The following NRXN1 variants were observed in gnomAD, a reference collection of about 807,000 sequenced individuals.
The protein encoded by NRXN1 is neurexin-1.
In NRXN1, 39 loss-of-function variants were observed where a neutral mutation model predicts 150.9. The ratio of observed to expected loss-of-function variants is 0.26; its 90% confidence interval spans 0.20 to 0.34. NRXN1 has a LOEUF of 0.34. Ranked by LOEUF, NRXN1 falls within the 10% of genes least tolerant of loss-of-function variation. The pLI, the probability that NRXN1 is intolerant of heterozygous loss-of-function variation, is 1.00. For missense variants in NRXN1, 1,815 were observed against 1,949.9 expected (o/e 0.93, Z 1.30); for synonymous variants, 924 against 757.0 (o/e 1.22, Z -3.62).
intron 21 of NRXN1, among the ~76,000 whole-genome samples, chr2:49,966,180 C>A (rs921044954): frequency 4.6e-5 from 7 of 152,156 alleles, no homozygotes; most frequent in African/African-American, 2.4e-5. Context: ...GTATAGGCCC[C>A]CATACCTTCG....
chr2:50,582,790 C>T (rs1558970757), intron 8 of NRXN1, among the ~76,000 whole-genome samples: 1 of 152,124 alleles, frequency 6.6e-6, no homozygotes, highest in South Asian at 2.1e-4. Flanking sequence ...CTTCCAGTTC[C>T]CCCGCTGAAC....
intron 5 of NRXN1, chr2:50,917,275 C>T (rs573259938): frequency 8.6e-5 from 13 of 151,706 alleles, no homozygotes; most frequent in Admixed American, 7.2e-4. Flanking sequence ...TGAGGAAATA[C>T]AATTTAAGAA....
At chr2:50,672,840 T>C (rs1689053782) in intron 5 of NRXN1, among the ~76,000 whole-genome samples, 1 of 152,078 alleles carries the variant, frequency 6.6e-6, no homozygotes, top group Non-Finnish European at 1.5e-5. Context: ...AGATCTCTTA[T>C]GAAACATTAG....
At chr2:50,030,318 G>A (rs1689008214) in intron 21 of NRXN1, among the ~76,000 whole-genome samples, 1 of 151,962 alleles carries the variant, frequency 6.6e-6, no homozygotes, top group African/African-American at 2.4e-5. Flanking sequence ...ATGATCTAGG[G>A]AGTATCTCTC....
rs2105260301 is a variant in NRXN1, at chr2:50,538,521, A to T, written c.1875T>A (p.Leu625=). 2 of 1,602,706 alleles carry T rather than the reference A, an allele frequency of 1.2e-6. No individual in the cohort carries two copies. ...CAGTCCACACCTCGGTGGGGAAGAC[A>T]AGGCCAGCTTTATTTTCTGGCAGCC... The part of the protein sequence containing the change: ...LGGLPENKAG[L]VFPTEVWTAL... The change falls in exon 10 of 23, where the codon CTT becomes CTA. Residue 625 remains leucine, a synonymous_variant. Coordinates refer to ENST00000401669, the MANE Select transcript of NRXN1 (RefSeq NM_001330078.2).
chr2:50,579,069 A>G (rs1312433682), intron 8 of NRXN1, among the ~76,000 whole-genome samples: 1 of 152,136 alleles, frequency 6.6e-6, no homozygotes, highest in African/African-American at 2.4e-5. Context: ...ATCATCCAAG[A>G]TATTAATATT....
chr2:50,657,075 G>A (rs149312025), intron 5 of NRXN1, among the ~76,000 whole-genome samples: 7 of 151,994 alleles, frequency 4.6e-5, no homozygotes, highest in Non-Finnish European at 8.8e-5. Flanking sequence ...GTGGTTTCTC[G>A]TCTCTCTCAG....
At chr2:50,853,285 T>C (rs973082270) in intron 5 of NRXN1, among the ~76,000 whole-genome samples, 1 of 152,116 alleles carries the variant, frequency 6.6e-6, no homozygotes, top group African/African-American at 2.4e-5. Flanking sequence ...ATTTTCATAA[T>C]GAAAATCTGC....
intron 21 of NRXN1, among the ~76,000 whole-genome samples, chr2:49,990,980 A>G (rs1220566581): frequency 6.6e-6 from 1 of 152,220 alleles, no homozygotes; most frequent in Non-Finnish European, 1.5e-5. Context: ...ATTGACACAA[A>G]TAACTCCTAA....
chr2:50,756,689 T>G (rs937272745), intron 5 of NRXN1, among the ~76,000 whole-genome samples: 1 of 151,784 alleles, frequency 6.6e-6, no homozygotes, highest in Admixed American at 6.6e-5. Context: ...ACGGAATAGG[T>G]GGTTGATTTA....
intron 12 of NRXN1, among the ~76,000 whole-genome samples, chr2:50,526,495 G>T (rs773333200): frequency 1.3e-4 from 20 of 152,148 alleles, no homozygotes; most frequent in Non-Finnish European, 2.9e-4. Context: ...CTGAGATACA[G>T]ATATTGTTAA....
At chr2:50,050,954 A>C (rs1692623718) in intron 21 of NRXN1, among the ~76,000 whole-genome samples, 1 of 152,014 alleles carries the variant, frequency 6.6e-6, no homozygotes, top group African/African-American at 2.4e-5. Context: ...GTTTATTACA[A>C]AGCTAACAAT....
intron 18 of NRXN1, among the ~76,000 whole-genome samples, chr2:50,153,174 C>T (rs2678218): frequency 0.81 from 122,719 of 151,658 alleles, 50,146 homozygotes; most frequent in African/African-American, 0.93. Context: ...AGCTCTAGAA[C>T]TTGTTTGCAA....
At chr2:50,758,095 T>G (rs1701371888) in intron 5 of NRXN1, 1 of 151,838 alleles carries the variant, frequency 6.6e-6, no homozygotes. Context: ...AGTCAGAAAT[T>G]AGTGAAGTCC....
chr2:50,512,237 C>G (rs1160016738), intron 12 of NRXN1, among the ~76,000 whole-genome samples: 1 of 152,102 alleles, frequency 6.6e-6, no homozygotes, highest in Non-Finnish European at 1.5e-5. Flanking sequence ...AATTTCATCA[C>G]TTTTGTTTTG....
At chr2:50,547,410 C>G (rs1377918352) in intron 9 of NRXN1, 1 of 152,080 alleles carries the variant, frequency 6.6e-6, no homozygotes, top group Non-Finnish European at 1.5e-5. Context: ...ATTTGTGCCC[C>G]AAGAAAACAA....
rs1325939549 is a variant in NRXN1 at position 50,055,207 on chromosome 2, T to C, written c.3719-163A>G. 5.9e-5 allele frequency among the ~76,000 whole-genome samples: 9 copies of C among 152,330 alleles called. No individual in the cohort carries two copies. The South Asian group carries it at 1.0e-3, about 18-fold the overall frequency. ...TTTCATGTTTCAGACTTGTCATTCA[T>C]TCATTTATTTTATTTTAGCAAACAA... On this transcript the variant is annotated intron_variant, in intron 19 of 22. Transcript: ENST00000401669.
At chr2:50,140,996 C>T (rs1006115823) in intron 18 of NRXN1, among the ~76,000 whole-genome samples, 6 of 152,006 alleles carry the variant, frequency 3.9e-5, no homozygotes, top group African/African-American at 1.4e-4. Flanking sequence ...ATATAAAGCA[C>T]AGATTGACAA....
chr2:50,564,691 T>C (rs1004233821), intron 8 of NRXN1, among the ~76,000 whole-genome samples: 2 of 152,152 alleles, frequency 1.3e-5, no homozygotes, highest in East Asian at 1.9e-4. Flanking sequence ...ATTGAACACA[T>C]GTAACTGTTG....
Sources: gnomAD v4.1 joint callset for allele counts (sites outside exome capture counted in the v4.1 genomes callset) on GRCh38, gnomAD v4.1.1 for gene constraint, MANE v1.5 for transcripts, NCBI Gene and HGNC (gene_info 2026-07-23, HGNC 2026-07-21) for gene names.